CNGB3: variants seen among roughly 807,000 people sequenced by gnomAD.
The protein encoded by CNGB3 is cyclic nucleotide gated channel subunit beta 3.
CNGB3 carries 86 observed loss-of-function variants against 92.8 expected under a neutral mutation model. That is an observed-to-expected ratio of 0.93 (90% confidence interval 0.78 to 1.11). The LOEUF (loss-of-function observed/expected upper bound fraction) is 1.11, where lower values mean the gene tolerates loss of function less well. CNGB3 is among the 50% of genes least tolerant of loss of function. The pLI, the probability that CNGB3 is intolerant of heterozygous loss-of-function variation, is 0.00. For missense variants in CNGB3, 1,026 were observed against 956.8 expected (o/e 1.07, Z -0.95); for synonymous variants, 333 against 332.7 (o/e 1.00, Z -0.01).
At chr8:86,606,681 A>G (rs548824039) in intron 14 of CNGB3, among the ~76,000 whole-genome samples, 1 of 152,356 alleles carries the variant, frequency 6.6e-6, no homozygotes, top group South Asian at 2.1e-4. Context: ...AGCATCTCAT[A>G]GATATTAATT....
At chr8:86,729,603 C>T (rs1023986093) in intron 2 of CNGB3, among the ~76,000 whole-genome samples, 22 of 152,084 alleles carry the variant, frequency 1.4e-4, no homozygotes, top group African/African-American at 5.1e-4. Flanking sequence ...CAGTTATTTC[C>T]TATTCTTGGC....
intron 3 of CNGB3, among the ~76,000 whole-genome samples, chr8:86,712,397 T>C (rs1195778902): frequency 6.6e-6 from 1 of 152,130 alleles, no homozygotes; most frequent in African/African-American, 2.4e-5. Context: ...TTAGCATTTT[T>C]CCCCTAGTAT....
intron 3 of CNGB3, among the ~76,000 whole-genome samples, chr8:86,672,252 C>A (rs1000459431): frequency 6.6e-6 from 1 of 152,094 alleles, no homozygotes; most frequent in South Asian, 2.1e-4. Context: ...GTGCATGCCA[C>A]CACGCCTAGC....
chr8:86,703,556 C>A (rs2131649126), intron 3 of CNGB3, among the ~76,000 whole-genome samples: 1 of 152,258 alleles, frequency 6.6e-6, no homozygotes, highest in Non-Finnish European at 1.5e-5. Context: ...AGTGTGAGTG[C>A]ATGTTTATGG....
At chr8:86,594,895 A>G (rs1487465777) in intron 15 of CNGB3, among the ~76,000 whole-genome samples, 1 of 151,866 alleles carries the variant, frequency 6.6e-6, no homozygotes, top group Non-Finnish European at 1.5e-5. Context: ...ATATATACAT[A>G]TATTTTTAAG....
At chr8:86,735,887 T>C (rs1474694088) in intron 2 of CNGB3, among the ~76,000 whole-genome samples, 2 of 152,110 alleles carry the variant, frequency 1.3e-5, no homozygotes, top group Admixed American at 6.5e-5. Context: ...GAATTCAACT[T>C]TGACCCATTT....
intron 8 of CNGB3, among the ~76,000 whole-genome samples, chr8:86,646,843 A>T (rs1823298549): frequency 6.6e-6 from 1 of 151,228 alleles, no homozygotes; most frequent in Non-Finnish European, 1.5e-5. Context: ...GCTATGAGTT[A>T]TAAAGTATTT....
At chr8:86,598,507 C>G (rs1056533902) in intron 15 of CNGB3, among the ~76,000 whole-genome samples, 8 of 152,186 alleles carry the variant, frequency 5.3e-5, no homozygotes, top group African/African-American at 1.9e-4. Flanking sequence ...GCTGCTATAA[C>G]AAATTATCAC....
At chr8:86,630,586 CTGGGTGCAG>C (rs1439337812) in intron 11 of CNGB3, among the ~76,000 whole-genome samples, 1 of 152,098 alleles carries the variant, frequency 6.6e-6, no homozygotes, top group Non-Finnish European at 1.5e-5. Context: ...TGATGATTGG[CTGGGTGCAG>C]TGGCTCCATG....
chr8:86,726,290 G>A (rs1825058647), intron 3 of CNGB3, among the ~76,000 whole-genome samples: 1 of 152,126 alleles, frequency 6.6e-6, no homozygotes, highest in Non-Finnish European at 1.5e-5. Context: ...TTTTTGTTGT[G>A]ATTTGGCCTA....
At chr8:86,717,314 C>A (rs1824874086) in intron 3 of CNGB3, among the ~76,000 whole-genome samples, 2 of 152,056 alleles carry the variant, frequency 1.3e-5, no homozygotes, top group Admixed American at 6.6e-5. Flanking sequence ...GTAATCTCAG[C>A]ACTTTGAGAG....
chr8:86,610,017 G>A (rs1052695635), intron 14 of CNGB3, among the ~76,000 whole-genome samples: 1 of 152,092 alleles, frequency 6.6e-6, no homozygotes, highest in African/African-American at 2.4e-5. Context: ...TTGGAATTAT[G>A]TATTGACTTA....
At chr8:86,658,692 G>T (rs1585998109) in intron 6 of CNGB3, 1 of 392,918 alleles carries the variant, frequency 2.5e-6, no homozygotes, top group Non-Finnish European at 4.7e-6. Context: ...CTTCTCGCTC[G>T]GCTCTTTCTT....
At chr8:86,641,854 TAAC>T (rs1823194770) in intron 10 of CNGB3, among the ~76,000 whole-genome samples, 1 of 151,922 alleles carries the variant, frequency 6.6e-6, no homozygotes, top group South Asian at 2.1e-4. Context: ...ATAAGTAACT[TAAC>T]AAAATTACAA....
At chr8:86,679,637 T>C (rs1200629612) in intron 3 of CNGB3, among the ~76,000 whole-genome samples, 1 of 152,158 alleles carries the variant, frequency 6.6e-6, no homozygotes, top group Non-Finnish European at 1.5e-5. Context: ...GCAATTCTCC[T>C]GTCTCAGCTT....
chr8:86,659,589 C>G (rs1240535782), intron 6 of CNGB3: 5 of 550,200 alleles, frequency 9.1e-6, no homozygotes, highest in Non-Finnish European at 1.8e-5. Context: ...GTAGAGACAG[C>G]AGAGAGAGCC....
intron 10 of CNGB3, among the ~76,000 whole-genome samples, chr8:86,636,293 C>T (rs1447333985): frequency 6.6e-6 from 1 of 151,812 alleles, no homozygotes. Context: ...CTAATGAGGC[C>T]GGGCATGGCG....
intron 1 of CNGB3, among the ~76,000 whole-genome samples, chr8:86,740,977 T>C (rs769116332): frequency 5.1e-4 from 77 of 152,286 alleles, no homozygotes; most frequent in Non-Finnish European, 8.5e-4. Flanking sequence ...CAAATGTAGA[T>C]TTATGTGAAG....
intron 10 of CNGB3, among the ~76,000 whole-genome samples, chr8:86,633,379 T>G (rs1823000172): frequency 6.6e-6 from 1 of 152,196 alleles, no homozygotes; most frequent in Non-Finnish European, 1.5e-5. Flanking sequence ...GCTGCTTACC[T>G]CACATGTCTG....
Sources: gnomAD v4.1 joint callset for allele counts (sites outside exome capture counted in the v4.1 genomes callset) on GRCh38, gnomAD v4.1.1 for gene constraint, MANE v1.5 for transcripts, NCBI Gene and HGNC (gene_info 2026-07-23, HGNC 2026-07-21) for gene names.